The following COL6A1 variants were observed in gnomAD, a reference collection of about 807,000 sequenced individuals.
The protein encoded by COL6A1 is collagen alpha-1(VI) chain.
In COL6A1, 80 loss-of-function variants were observed where a neutral mutation model predicts 145.6. The observed-to-expected ratio is 0.55, with a 90% CI of 0.46 to 0.66. The LOEUF is 0.66. Among genes scored for constraint, COL6A1 ranks in the 30% least tolerant of loss-of-function variants. The pLI, the probability that COL6A1 is intolerant of heterozygous loss-of-function variation, is 0.00. For missense variants in COL6A1, 1,364 were observed against 1,473.8 expected, an observed-to-expected ratio of 0.93 and a Z score of 1.22; for synonymous variants, 638 against 622.8, an observed-to-expected ratio of 1.02 and a Z score of -0.36.
chr21:45,997,665 A>T (rs370785036), intron 21 of COL6A1, 35 bp from the exon 22 acceptor site: 15 of 1,571,340 alleles, frequency 9.5e-6, no homozygotes, highest in African/African-American at 1.4e-5. Context: ...CACCATGCTA[A>T]GCCTGCTCCC....
Position 45,997,449 on chromosome 21 carries a change from G to A in COL6A1, c.1427G>A (p.Gly476Asp). The change falls in exon 21 of 35, where the codon GGC (glycine) becomes GAC (aspartate). Residue 476 changes from glycine (G) to aspartate (D), a missense_variant. Physicochemically the swap from Gly to Asp is moderately conservative, Grantham distance 94. Around this residue, in one of 3 missense-constraint regions of COL6A1, gnomAD observed 938 missense variants for 1,003.8 expected, o/e 0.93. Transcript: ENST00000361866. ...PGEAGPIGPK[G>D]YRGDEGPPGS... Reference sequence around the variant, plus strand: ...GAGGCTGGCCCTATCGGACCTAAAGGCTACCGAGGCGATGAGGGTCCCCCA... The same window carrying A: ...GAGGCTGGCCCTATCGGACCTAAAGACTACCGAGGCGATGAGGGTCCCCCA... 1 of 1,612,708 alleles carries A rather than the reference G, an allele frequency of 6.2e-7. No homozygotes were observed. Among genetic ancestry groups the A allele is most frequent in the Non-Finnish European group, 8.5e-7 (1 of 1,179,854 alleles).
rs768951384 is a variant in COL6A1 at position 45,986,518 on chromosome 21, C to T, written c.429-8C>T. On this transcript the variant is annotated splice_polypyrimidine_tract_variant and splice_region_variant and intron_variant, in intron 3 of 34. Coordinates refer to ENST00000361866, the MANE Select transcript of COL6A1 (RefSeq NM_001848.3). Reference sequence around the variant, plus strand: ...TCTCGAGGTCTCACGCTGCCCTCTCCTGTCCAGGGGCTCCCACCTGAAGGA... The same window carrying T: ...TCTCGAGGTCTCACGCTGCCCTCTCTTGTCCAGGGGCTCCCACCTGAAGGA... 2.7e-5 allele frequency: 42 copies of T among 1,555,484 alleles called. No individual in the cohort carries two copies. In the African/African-American group the frequency reaches 5.5e-4, roughly 20 times the overall value.
chr21:46,000,748 C>G lies in COL6A1; in HGVS notation c.1814-11C>G. The stretch of plus-strand genomic sequence containing the variant: ...CTGACTGGTCTAACTGACTCTTTCT[C>G]TTCTCCTCAGCTTGCTGTGGTGAGA... On this transcript the variant is annotated splice_polypyrimidine_tract_variant and intron_variant, in intron 28 of 34. Transcript: ENST00000361866. 1.9e-6 allele frequency: 3 copies of G among 1,613,976 alleles called. No individual in the cohort carries two copies. Among genetic ancestry groups the G allele is most frequent in the Non-Finnish European group, 2.5e-6 (3 of 1,179,906 alleles).
intron 22 of COL6A1, 128 bp downstream of exon 22, chr21:45,997,890 G>C: frequency 8.6e-7 from 1 of 1,167,312 alleles, no homozygotes; most frequent in Non-Finnish European, 1.2e-6. Context: ...AGCATCACTG[G>C]CTCCTGGCCA....
At chr21:45,985,877 G>C (rs549930426) in intron 3 of COL6A1, among the ~76,000 whole-genome samples, 1 of 152,216 alleles carries the variant, frequency 6.6e-6, no homozygotes, top group Non-Finnish European at 1.5e-5. Flanking sequence ...GAAGTCGTCC[G>C]CTGTCTGCAG....
At chr21:45,991,904 G>A (rs889704851) in intron 15 of COL6A1, 106 bp from the exon 16 acceptor site, 2 of 1,112,138 alleles carry the variant, frequency 1.8e-6, no homozygotes. Flanking sequence ...GTTGGTCAGA[G>A]GGAGTGGCCT....
At position 46,001,239 on chromosome 21, in the gene COL6A1, G is replaced by T; in HGVS notation, c.1823-14G>T. On this transcript the variant is annotated splice_polypyrimidine_tract_variant and intron_variant, in intron 29 of 34. Coordinates refer to ENST00000361866, the MANE Select transcript of COL6A1 (RefSeq NM_001848.3). Reference sequence around the variant, plus strand: ...GGGAGGGGCGTGCTCTGCTGACACCGCCCCCGCCTGCAGAATGCAAGTGCG... The same window carrying T: ...GGGAGGGGCGTGCTCTGCTGACACCTCCCCCGCCTGCAGAATGCAAGTGCG... 1 of 1,600,676 alleles carries T rather than the reference G, an allele frequency of 6.2e-7. No individual in the cohort carries two copies. Among genetic ancestry groups the T allele is most frequent in the Non-Finnish European group, 8.5e-7 (1 of 1,178,044 alleles).
chr21:45,987,736 A>G, intron 8 of COL6A1, 82 bp downstream of exon 8: 13 of 1,477,930 alleles, frequency 8.8e-6, no homozygotes, highest in Non-Finnish European at 1.2e-5. Flanking sequence ...TGGGCACCCA[A>G]GTCCACCATG....
rs886042955 is a variant in COL6A1 at position 45,994,229 on chromosome 21, G to A, written c.1398G>A (p.Pro466=). ...REGPVGVPGD[P]GEAGPIGPKG... ...GCCCCGTTGGTGTCCCTGGAGACCC[G>A]GTAGGAAGCGCTGTGGGGTTGGGGG... is the stretch of plus-strand genomic sequence containing the variant. The change falls in exon 20 of 35, where the codon CCG becomes CCA. Residue 466 remains proline, a splice_region_variant and synonymous_variant. Coordinates refer to ENST00000361866, the MANE Select transcript of COL6A1 (RefSeq NM_001848.3). This position sits in a 1 kb window ranked among gnomAD's most constrained non-coding sequence, Gnocchi z 6.8. The A allele has an allele frequency of 1.2e-6, 2 of 1,608,994 alleles. No individual in the cohort carries two copies. Among genetic ancestry groups the A allele is most frequent in the Non-Finnish European group, 1.7e-6 (2 of 1,178,198 alleles).
Position 45,990,303 on chromosome 21 carries a change from G to C in COL6A1, c.957+19G>C. 6.2e-7 allele frequency: 1 copy of C among 1,612,846 alleles called. No homozygotes were observed. The highest frequency in any genetic ancestry group is 8.5e-7 in the Non-Finnish European group (1 of 1,179,998). On this transcript the variant is annotated intron_variant, in intron 12 of 34. Coordinates refer to ENST00000361866, the MANE Select transcript of COL6A1 (RefSeq NM_001848.3). ...CTACAAGGTGAGCGTGGGCTGCTGG[G>C]AGGGGGGAGTTCTGCCCCCACGGCA...
intron 30 of COL6A1, 140 bp downstream of exon 30, chr21:46,001,526 GCACGCGCCAGC>G: frequency 8.4e-7 from 1 of 1,185,164 alleles, no homozygotes; most frequent in South Asian, 1.3e-5. Flanking sequence ...AGGATGCCAG[GCACGCGCCAGC>G]CCGTCCAGGC....
Position 45,987,485 on chromosome 21 carries a change from C to CT in COL6A1, c.739-11dup, listed in dbSNP as rs573196191. 4 of 1,613,122 alleles carry CT rather than the reference C, an allele frequency of 2.5e-6. No homozygotes were observed. Among genetic ancestry groups the CT allele is most frequent in the Middle Eastern group, 1.6e-4 (1 of 6,062 alleles). On this transcript the variant is annotated splice_polypyrimidine_tract_variant and intron_variant, in intron 6 of 34. Transcript: ENST00000361866. ...GCTTTCCCACTGACTCGTCTCCATG[C>CT]TTTCCCCCCACAGTGCTGCTCCTTC...
intron 34 of COL6A1, 55 bp downstream of exon 34, chr21:46,003,204 A>G: frequency 1.2e-6 from 2 of 1,613,114 alleles, no homozygotes; most frequent in Non-Finnish European, 1.7e-6. Context: ...GGTTGGGGCG[A>G]GGGCTCTGAG....
At chr21:46,003,305 C>T in intron 34 of COL6A1, 86 bp from the exon 35 acceptor site, 1 of 1,603,546 alleles carries the variant, frequency 6.2e-7, no homozygotes, top group Non-Finnish European at 8.5e-7. Flanking sequence ...CGTGCCCTCT[C>T]TGGGGAGCTT....
chr21:45,986,481 TC>T (rs2077739335), intron 3 of COL6A1, 44 bp from the exon 4 acceptor site: 1 of 1,545,424 alleles, frequency 6.5e-7, no homozygotes, highest in African/African-American at 1.4e-5. Context: ...TCCCTCCAGT[TC>T]CCCCACCTAG....
At chr21:45,987,276 T>C in intron 6 of COL6A1, 101 bp downstream of exon 6, 1 of 1,553,424 alleles carries the variant, frequency 6.4e-7, no homozygotes, top group Non-Finnish European at 8.7e-7. Context: ...TATCCGCCCA[T>C]GTGCCCGGGA....
chr21:45,987,708 G>T, intron 8 of COL6A1, 54 bp downstream of exon 8: 1 of 1,567,142 alleles, frequency 6.4e-7, no homozygotes, highest in Non-Finnish European at 8.6e-7. Context: ...GAGTGGGGGT[G>T]GCAGGACCAA....
intron 19 of COL6A1, among the ~76,000 whole-genome samples, 173 bp downstream of exon 19, chr21:45,992,983 C>T (rs2077785519): frequency 6.6e-6 from 1 of 152,248 alleles, no homozygotes; most frequent in South Asian, 2.1e-4. Flanking sequence ...CGGCGCCCAG[C>T]CATGTGCCTG....
intron 2 of COL6A1, among the ~76,000 whole-genome samples, chr21:45,983,658 T>TGGG (rs146694264): frequency 1.2e-4 from 17 of 142,116 alleles, no homozygotes; most frequent in African/African-American, 4.3e-4. Context: ...CGGCAGTGTT[T>TGGG]GGGGGGGGGT....
Sources: allele counts gnomAD v4.1 joint callset (sites outside exome capture counted in the v4.1 genomes callset), GRCh38; gene constraint gnomAD v4.1.1; regional missense constraint gnomAD v4.1.1; non-coding constraint Gnocchi (gnomAD v3.1); transcripts MANE v1.5; gene names NCBI Gene and HGNC (gene_info 2026-07-23, HGNC 2026-07-21).